Variants in PARP2 observed in about 807,000 individuals in gnomAD.
PARP2 encodes poly [ADP-ribose] polymerase 2.
A neutral mutation model predicts 77.8 loss-of-function variants in PARP2; 57 were observed. The observed-to-expected ratio is 0.73, with a 90% CI of 0.59 to 0.91. The LOEUF is 0.91. PARP2 is among the 40% of genes least tolerant of loss of function. The pLI is 0.00. For synonymous variants in PARP2, 226 were observed against 242.6 expected, an observed-to-expected ratio of 0.93 and a Z score of 0.64; for missense variants, 651 against 689.0, an observed-to-expected ratio of 0.94 and a Z score of 0.62.
At chr14:20,343,794 C>G in intron 1 of PARP2, 107 bp downstream of exon 1, 17 of 1,215,078 alleles carry the variant, frequency 1.4e-5, no homozygotes, top group Non-Finnish European at 1.9e-5. Context: ...ATAACCTGCA[C>G]TTGGCTACCA....
chr14:20,354,926 C>A lies in PARP2; in HGVS notation c.881C>A (p.Thr294Asn), dbSNP rs1486810734. 1 of 1,613,654 alleles carries A rather than the reference C, an allele frequency of 6.2e-7. No individual in the cohort carries two copies. The highest frequency in any genetic ancestry group is 1.1e-5 in the South Asian group (1 of 91,040). The change falls in exon 9 of 16, where the codon ACC becomes AAC. Residue 294 changes from threonine (T) to asparagine (N), a missense_variant. Transcript: ENST00000429687. ...ATGGAAGCATGCAATGAATTCTACACCAGGATTCCGCATGACTTTGGGTAA... is the reference window on the plus strand; with the variant it reads ...ATGGAAGCATGCAATGAATTCTACAACAGGATTCCGCATGACTTTGGGTAA... ...ALMEACNEFY[T>N]RIPHDFGLRT...
At position 20,350,584 on chromosome 14, in the gene PARP2, C is replaced by G. The variant is rs781713766; in HGVS notation, c.383C>G (p.Ala128Gly). The G allele has an allele frequency of 6.2e-7, 1 of 1,610,090 alleles. No homozygotes were observed. The highest frequency in any genetic ancestry group is 8.5e-7 in the Non-Finnish European group (1 of 1,176,446). ...CTGATTCAGCTATTAGAAGATGATG[C>G]CCAGAGGAACTTCAGTGTTTGGATG... ...YYLIQLLEDD[A>G]QRNFSVWMRW... The change falls in exon 5 of 16, where the codon GCC becomes GGC. Residue 128 changes from alanine to glycine, a missense_variant. Transcript: ENST00000429687.
chr14:20,351,746 G>A (rs983976233), intron 6 of PARP2, among the ~76,000 whole-genome samples: 1 of 97,836 alleles, frequency 1.0e-5, no homozygotes, highest in Non-Finnish European at 1.9e-5. Flanking sequence ...GGCTGAGCAC[G>A]GTGATGCCTG....
intron 7 of PARP2, chr14:20,352,549 AT>A (rs34709835): frequency 9.3e-6 from 2 of 214,138 alleles, no homozygotes; most frequent in East Asian, 6.5e-5. Flanking sequence ...TGCCCAGCTG[AT>A]TTTTTTTCTT....
At position 20,354,964 on chromosome 14, in the gene PARP2, TACTTC is replaced by T. The variant is rs1315123265; in HGVS notation, c.902+22_902+26del. 1 of 1,604,168 alleles carries T rather than the reference TACTTC, an allele frequency of 6.2e-7. No individual in the cohort carries two copies. Among genetic ancestry groups the T allele is most frequent in the Non-Finnish European group, 8.5e-7 (1 of 1,175,770 alleles). On this transcript the variant is annotated intron_variant, in intron 9 of 15. Coordinates refer to ENST00000429687, the MANE Select transcript of PARP2 (RefSeq NM_001042618.2). ...TGACTTTGGGTAAGGCCTGTGCTGT[TACTTC>T]ACTTTGTTCTTCTACCTATACATAT...
chr14:20,347,254 A>G (rs1276619124), intron 4 of PARP2, among the ~76,000 whole-genome samples: 14 of 144,210 alleles, frequency 9.7e-5, no homozygotes, highest in African/African-American at 3.4e-4. Context: ...CTGGTCTCGA[A>G]CTCGTGACTT....
chr14:20,343,881 G>C (rs1883608191), intron 1 of PARP2, among the ~76,000 whole-genome samples, 194 bp downstream of exon 1: 1 of 152,190 alleles, frequency 6.6e-6, no homozygotes, highest in African/African-American at 2.4e-5. Flanking sequence ...ATAAAGCCTT[G>C]CGGAGCTGTA....
At chr14:20,356,931 G>T in intron 13 of PARP2, 120 bp from the exon 14 acceptor site, 1 of 748,272 alleles carries the variant, frequency 1.3e-6, no homozygotes, top group South Asian at 1.6e-5. Flanking sequence ...AATTGTGAGG[G>T]GAAATGGAGA....
At chr14:20,347,562 C>T (rs1465876665) in intron 4 of PARP2, among the ~76,000 whole-genome samples, 1 of 149,464 alleles carries the variant, frequency 6.7e-6, no homozygotes, top group African/African-American at 2.5e-5. Context: ...ACTACAGGTG[C>T]AGTGTCTGGC....
intron 7 of PARP2, 119 bp downstream of exon 7, chr14:20,352,466 C>T (rs1883992390): frequency 1.7e-6 from 1 of 588,514 alleles, no homozygotes; most frequent in Non-Finnish European, 3.0e-6. Flanking sequence ...ACTGCAGCCT[C>T]AAGATCCTCA....
rs762731089 is a variant in PARP2 at position 20,343,658 on chromosome 14, G to A, written c.17G>A (p.Arg6Gln). MAARR[R>Q]RSTGGGRARA... is the part of the protein sequence containing the mutation. ...TCGAATTCCATGGCGGCGCGGCGGCGACGGAGCACCGGCGGCGGCAGGGCG... is the reference window on the plus strand; with the variant it reads ...TCGAATTCCATGGCGGCGCGGCGGCAACGGAGCACCGGCGGCGGCAGGGCG... The change falls in exon 1 of 16, where the codon CGA (arginine) becomes CAA (glutamine). Residue 6 changes from arginine (R) to glutamine (Q), a missense_variant. Arg to Gln is a conservative substitution (Grantham distance 43). Transcript: ENST00000429687. The A allele has an allele frequency of 6.8e-6, 11 of 1,610,752 alleles. No individual in the cohort carries two copies. Among genetic ancestry groups the A allele is most frequent in the Non-Finnish European group, 9.3e-6 (11 of 1,179,132 alleles).
At chr14:20,352,077 C>T (rs983515817) in intron 6 of PARP2, among the ~76,000 whole-genome samples, 168 bp from the exon 7 acceptor site, 2 of 152,030 alleles carry the variant, frequency 1.3e-5, no homozygotes, top group African/African-American at 2.4e-5. Context: ...GCTTTTTTGT[C>T]CATTTAGTGT....
At chr14:20,347,367 TATATATATATATATATATATATATATA>T (rs1883780273) in intron 4 of PARP2, among the ~76,000 whole-genome samples, 1 of 12,320 alleles carries the variant, frequency 8.1e-5, no homozygotes, top group Non-Finnish European at 1.6e-4. Flanking sequence ...TATATATATA[TATATATATATATATATATATATATATA>T]TATATTTTTT....
At chr14:20,350,775 G>T in intron 5 of PARP2, 153 bp downstream of exon 5, 1 of 617,448 alleles carries the variant, frequency 1.6e-6, no homozygotes, top group Non-Finnish European at 2.9e-6. Context: ...TCTTGAAATT[G>T]GGGAATGGCA....
intron 4 of PARP2, among the ~76,000 whole-genome samples, chr14:20,347,385 TA>T (rs1566418399): frequency 9.4e-5 from 2 of 21,372 alleles, no homozygotes; most frequent in African/African-American, 1.6e-4. Context: ...TATATATATA[TA>T]TATATATATA....
chr14:20,343,678 A>C lies in PARP2; in HGVS notation c.37A>C (p.Arg13=). ...ARRRRSTGGG[R]ARALNESKRV... ...GCGGCGACGGAGCACCGGCGGCGGC[A>C]GGGCGAGAGGTTCGGAGCTCAATAT... Residue 13 remains arginine, a synonymous_variant, in exon 1 of 16, where the codon AGG becomes CGG. Transcript: ENST00000429687. 1.2e-6 allele frequency: 2 copies of C among 1,609,754 alleles called. No individual in the cohort carries two copies. Among genetic ancestry groups the C allele is most frequent in the Middle Eastern group, 3.3e-4 (2 of 6,034 alleles).
intron 4 of PARP2, among the ~76,000 whole-genome samples, chr14:20,347,408 T>A (rs1883805724): frequency 3.1e-4 from 10 of 31,864 alleles, no homozygotes; most frequent in Non-Finnish European, 5.7e-4. Flanking sequence ...ATTTTTTTTT[T>A]TTTTTTTTTT....
chr14:20,355,051 T>C, intron 9 of PARP2, 104 bp downstream of exon 9: 1 of 1,117,752 alleles, frequency 8.9e-7, no homozygotes, highest in Admixed American at 2.5e-5. Flanking sequence ...CCTAAGAAAA[T>C]GATCGTCTTG....
rs748438951 is a variant in PARP2, at chr14:20,355,774, C to T, written c.925C>T (p.Arg309Trp). The change falls in exon 10 of 16, where the codon CGG becomes TGG. Residue 309 changes from arginine (R) to tryptophan (W), a missense_variant. By Grantham distance (101) the Arg-to-Trp change is moderately radical. Transcript: ENST00000429687. Reference sequence around the variant, plus strand: ...TAGACTCCGTACTCCTCCACTAATCCGGACACAGAAGGAACTGTCAGAAAA... The same window carrying T: ...TAGACTCCGTACTCCTCCACTAATCTGGACACAGAAGGAACTGTCAGAAAA... Reference protein sequence around the residue: ...DFGLRTPPLIRTQKELSEKIQ... With the variant: ...DFGLRTPPLIWTQKELSEKIQ... The T allele has an allele frequency of 1.5e-5, 25 of 1,613,476 alleles. No individual in the cohort carries two copies. In the East Asian group the frequency reaches 1.6e-4, roughly 10 times the overall value.
Sources: allele counts gnomAD v4.1 joint callset (sites outside exome capture counted in the v4.1 genomes callset), GRCh38; gene constraint gnomAD v4.1.1; transcripts MANE v1.5; gene names NCBI Gene and HGNC (gene_info 2026-07-23, HGNC 2026-07-21).